MANBA: variants seen among roughly 807,000 people sequenced by gnomAD.
MANBA encodes the protein mannosidase beta.
In MANBA, 83 loss-of-function variants were observed where a neutral mutation model predicts 111.1. The observed-to-expected ratio is 0.75, with a 90% CI of 0.63 to 0.90. MANBA has a LOEUF of 0.90. MANBA is among the 40% of genes least tolerant of loss of function. The pLI, the probability that MANBA is intolerant of heterozygous loss-of-function variation, is 0.00. For synonymous variants in MANBA, 370 were observed against 378.7 expected (o/e 0.98, Z 0.27); for missense variants, 1,036 against 1,069.0 (o/e 0.97, Z 0.43).
chr4:102,736,083 C>G (rs1723204889), intron 1 of MANBA, among the ~76,000 whole-genome samples: 1 of 152,188 alleles, frequency 6.6e-6, no homozygotes, highest in Non-Finnish European at 1.5e-5. Context: ...GGGGTAGGTA[C>G]TATTATCATA....
At chr4:102,662,220 G>A (rs1730988548) in intron 11 of MANBA, among the ~76,000 whole-genome samples, 1 of 152,136 alleles carries the variant, frequency 6.6e-6, no homozygotes, top group South Asian at 2.1e-4. Context: ...TGATGATGAT[G>A]ATGATGACGA....
intron 1 of MANBA, chr4:102,729,064 T>G: frequency 1.3e-6 from 1 of 795,194 alleles, no homozygotes; most frequent in African/African-American, 1.7e-5. Context: ...ACTCAAGCAG[T>G]TGCCATGCCA....
At chr4:102,751,394 C>A in intron 1 of MANBA, 1 of 437,400 alleles carries the variant, frequency 2.3e-6, no homozygotes. Flanking sequence ...TGTGTGTACT[C>A]CTTGCCTTGG....
rs779506935 is a variant in MANBA, at chr4:102,664,749, C to T, written c.1421G>A (p.Arg474Gln). The change falls in exon 11 of 17, where the codon CGG (arginine) becomes CAG (glutamine). Residue 474 changes from arginine to glutamine, a missense_variant. Transcript: ENST00000647097. ...CACATAGTCCTTGATGTAGATTGGC[C>T]GGTCAGTGAAACTGATATGATACCA... ...MNWYHISFTDRPIYIKDYVTL... is the reference protein window; with the variant it reads ...MNWYHISFTDQPIYIKDYVTL... The T allele has an allele frequency of 1.2e-5, 20 of 1,612,702 alleles. No homozygotes were observed. Among genetic ancestry groups the T allele is most frequent in the East Asian group, 4.5e-5 (2 of 44,898 alleles).
At chr4:102,750,679 G>A (rs866255763) in intron 1 of MANBA, among the ~76,000 whole-genome samples, 1 of 152,148 alleles carries the variant, frequency 6.6e-6, no homozygotes, top group Admixed American at 6.5e-5. Context: ...TTGGGAGGCC[G>A]AGGTGGGAAT....
chr4:102,702,212 A>C (rs915522655), intron 5 of MANBA, among the ~76,000 whole-genome samples: 2 of 151,480 alleles, frequency 1.3e-5, no homozygotes, highest in African/African-American at 4.9e-5. Context: ...CAGCTCCATC[A>C]GCTCCTTTAA....
At chr4:102,639,529 C>T (rs1204875079) in intron 14 of MANBA, among the ~76,000 whole-genome samples, 184 bp downstream of exon 14, 1 of 152,180 alleles carries the variant, frequency 6.6e-6, no homozygotes, top group Non-Finnish European at 1.5e-5. Flanking sequence ...GACCCTAAGG[C>T]TCATGGAAAG....
intron 12 of MANBA, among the ~76,000 whole-genome samples, chr4:102,654,359 C>T (rs928608018): frequency 1.3e-5 from 2 of 152,042 alleles, no homozygotes; most frequent in Admixed American, 6.6e-5. Flanking sequence ...CAAAACATCA[C>T]GTAGTACACG....
At chr4:102,669,848 T>C (rs376743392) in intron 9 of MANBA, among the ~76,000 whole-genome samples, 55 of 152,056 alleles carry the variant, frequency 3.6e-4, no homozygotes, top group African/African-American at 9.9e-4. Context: ...GGCAAGGTGG[T>C]GAGCGCCTGT....
intron 16 of MANBA, among the ~76,000 whole-genome samples, chr4:102,634,081 T>A (rs1052458966): frequency 2.0e-5 from 3 of 152,150 alleles, no homozygotes; most frequent in Non-Finnish European, 4.4e-5. Flanking sequence ...GATAATAAAA[T>A]TAAAAACATA....
In MANBA at chr4:102,722,986, T is replaced by G. The variant is rs373343278; in HGVS notation, c.434A>C (p.Gln145Pro). 7 of 1,614,044 alleles carry G rather than the reference T, an allele frequency of 4.3e-6. No individual in the cohort carries two copies. Among genetic ancestry groups the G allele is most frequent in the African/African-American group, 1.3e-5 (1 of 74,940 alleles). Residue 145 changes from glutamine (Q) to proline (P), a missense_variant, in exon 4 of 17, where the codon CAG becomes CCG. Physicochemically the swap from Gln to Pro is moderately conservative, Grantham distance 76 (BLOSUM62 -1). Transcript: ENST00000647097. ...CTGTGCTGCATACAACACCGCTGACTGGAAACGCAGCTCAATGGAGTTCAC... is the reference window on the plus strand; with the variant it reads ...CTGTGCTGCATACAACACCGCTGACGGGAAACGCAGCTCAATGGAGTTCAC... ...RDVNSIELRF[Q>P]SAVLYAAQQS...
intron 1 of MANBA, chr4:102,752,765 C>A: frequency 2.9e-6 from 1 of 350,394 alleles, no homozygotes; most frequent in South Asian, 2.3e-5. Context: ...TTTCACTCTT[C>A]ATAACAGCTA....
chr4:102,713,168 C>G (rs1027836675), intron 5 of MANBA, among the ~76,000 whole-genome samples: 8 of 152,206 alleles, frequency 5.3e-5, no homozygotes, highest in Non-Finnish European at 1.2e-4. Flanking sequence ...AAGCTAAGGT[C>G]ACCAGGGCTC....
chr4:102,728,220 G>C (rs1377656212), intron 1 of MANBA: 4 of 537,636 alleles, frequency 7.4e-6, no homozygotes, highest in Non-Finnish European at 1.5e-5. Flanking sequence ...GGACTCCTGA[G>C]CCTTTTTTCT....
At chr4:102,663,743 A>G (rs1331628980) in intron 11 of MANBA, among the ~76,000 whole-genome samples, 1 of 152,254 alleles carries the variant, frequency 6.6e-6, no homozygotes, top group Non-Finnish European at 1.5e-5. Context: ...TACAGACACA[A>G]AAGTGTAAAG....
At chr4:102,710,799 T>G (rs1578926758) in intron 5 of MANBA, among the ~76,000 whole-genome samples, 1 of 152,174 alleles carries the variant, frequency 6.6e-6, no homozygotes, top group African/African-American at 2.4e-5. Flanking sequence ...AACCAACTTA[T>G]TAATAACTAA....
chr4:102,658,093 T>A (rs1001414068), intron 11 of MANBA, among the ~76,000 whole-genome samples, 193 bp from the exon 12 acceptor site: 11 of 152,216 alleles, frequency 7.2e-5, no homozygotes, highest in African/African-American at 2.7e-4. Context: ...CTTTATATCT[T>A]TTCATAAGTA....
intron 14 of MANBA, among the ~76,000 whole-genome samples, chr4:102,637,263 T>C (rs992044483): frequency 3.3e-5 from 5 of 152,222 alleles, no homozygotes; most frequent in African/African-American, 1.2e-4. Context: ...ACTCTTGTTA[T>C]AATGTTGAGA....
At chr4:102,707,189 C>T (rs920140611) in intron 5 of MANBA, among the ~76,000 whole-genome samples, 1 of 152,128 alleles carries the variant, frequency 6.6e-6, no homozygotes, top group African/African-American at 2.4e-5. Flanking sequence ...AGAAAAGCAC[C>T]TAGTTACTTA....
Sources: gnomAD v4.1 joint callset for allele counts (sites outside exome capture counted in the v4.1 genomes callset) on GRCh38, gnomAD v4.1.1 for gene constraint, MANE v1.5 for transcripts, NCBI Gene and HGNC (gene_info 2026-07-23, HGNC 2026-07-21) for gene names.